Variants in TFRC observed in about 807,000 individuals in gnomAD.
The protein encoded by TFRC is transferrin receptor, also known as transferrin receptor protein 1.
Under a neutral mutation model 85.8 loss-of-function variants are expected in TFRC, and 35 were observed. The ratio of observed to expected loss-of-function variants is 0.41; its 90% CI spans 0.31 to 0.54. The LOEUF (loss-of-function observed/expected upper bound fraction) is 0.54, where lower values mean the gene tolerates loss of function less well. TFRC is among the 20% of genes least tolerant of loss of function. The probability of loss-of-function intolerance (pLI) is 0.31; values close to 1 mark genes in which losing one functional copy is unlikely to be tolerated. For synonymous variants in TFRC, 362 were observed against 328.6 expected (o/e 1.10, Z -1.10); for missense variants, 828 against 921.5 (o/e 0.90, Z 1.31).
In TFRC at chr3:196,064,309, C is replaced by G; in HGVS notation, c.1318G>C (p.Asp440His). 1 of 1,607,080 alleles carries G rather than the reference C, an allele frequency of 6.2e-7. No homozygotes were observed. Among genetic ancestry groups the G allele is most frequent in the Non-Finnish European group, 8.5e-7 (1 of 1,178,076 alleles). Residue 440 changes from aspartate (D) to histidine (H), a missense_variant and splice_region_variant, in exon 11 of 19, where the codon GAT becomes CAT. Asp to His is a moderately conservative substitution (Grantham distance 81, BLOSUM62 -1). Coordinates refer to ENST00000360110, the MANE Select transcript of TFRC (RefSeq NM_001128148.3). ...AAAAGAATCAAAATTTGTACTCTAC[C>G]TTTTAAGACCATATCTGAGAACATC... The part of the protein sequence containing the change: ...AQMFSDMVLK[D>H]GFQPSRSIIF...
At chr3:196,075,059 A>T (rs1359795889) in intron 3 of TFRC, 100 bp downstream of exon 3, 11 of 698,210 alleles carry the variant, frequency 1.6e-5, no homozygotes, top group Admixed American at 6.6e-5. Context: ...AAAAAAAAAA[A>T]AAAAAAATAA....
intron 9 of TFRC, among the ~76,000 whole-genome samples, chr3:196,066,541 T>C (rs1451893578): frequency 6.6e-6 from 1 of 152,198 alleles, no homozygotes; most frequent in Non-Finnish European, 1.5e-5. Context: ...CTTACATAAA[T>C]ATAGGTTGAA....
At chr3:196,058,478 T>G in intron 15 of TFRC, 96 bp downstream of exon 15, 1 of 1,477,676 alleles carries the variant, frequency 6.8e-7, no homozygotes, top group Non-Finnish European at 9.4e-7. Flanking sequence ...TAGGTGTAAG[T>G]AAGTTCAATG....
Position 196,052,159 on chromosome 3 carries a change from T to A in TFRC, c.2066A>T (p.Tyr689Phe). The A allele has an allele frequency of 6.2e-7, 1 of 1,613,936 alleles. No homozygotes were observed. Among genetic ancestry groups the A allele is most frequent in the Non-Finnish European group, 8.5e-7 (1 of 1,179,960 alleles). The change falls in exon 19 of 19, where the codon TAC (tyrosine) becomes TTC (phenylalanine). Residue 689 changes from tyrosine to phenylalanine, a missense_variant. Physicochemically the swap from Tyr to Phe is conservative, Grantham distance 22. Transcript: ENST00000360110. ...MRVEYHFLSP[Y>F]VSPKESPFRH... is the part of the protein sequence containing the mutation. Reference sequence around the variant, plus strand: ...GAAAGGAGACTCTTTTGGAGATACGTAGGGAGAGAGGAAGTGATACTCCAC... The same window carrying A: ...GAAAGGAGACTCTTTTGGAGATACGAAGGGAGAGAGGAAGTGATACTCCAC...
At chr3:196,052,291 A>AAT in intron 18 of TFRC, 107 bp from the exon 19 acceptor site, 41 of 883,272 alleles carry the variant, frequency 4.6e-5, no homozygotes, top group Non-Finnish European at 6.3e-5. Context: ...TGCCGATCAG[A>AAT]CTTTTTTTTT....
intron 4 of TFRC, among the ~76,000 whole-genome samples, chr3:196,073,349 C>T (rs1482472579): frequency 6.6e-6 from 1 of 150,990 alleles, no homozygotes; most frequent in Non-Finnish European, 1.5e-5. Flanking sequence ...GTCCCAGCTA[C>T]TCAGGAGGCT....
intron 6 of TFRC, 151 bp downstream of exon 6, chr3:196,071,245 C>G: frequency 1.6e-6 from 1 of 606,366 alleles, no homozygotes; most frequent in South Asian, 2.0e-5. Flanking sequence ...GAAGACAATG[C>G]ATGTTGACTG....
intron 16 of TFRC, among the ~76,000 whole-genome samples, chr3:196,056,332 G>C (rs973294143): frequency 2.6e-5 from 4 of 152,176 alleles, no homozygotes; most frequent in African/African-American, 9.7e-5. Context: ...CCCAGCCTGA[G>C]GAAAATACTG....
chr3:196,072,806 A>G (rs995587758), intron 4 of TFRC: 1 of 152,154 alleles, frequency 6.6e-6, no homozygotes. Context: ...AAAGATAGTA[A>G]AACTCTATGG....
chr3:196,057,275 GCA>G (rs1716874527), intron 16 of TFRC, among the ~76,000 whole-genome samples: 2 of 152,170 alleles, frequency 1.3e-5, no homozygotes. Context: ...GTATAGAAAA[GCA>G]CTGTGAAAAT....
intron 17 of TFRC, 54 bp from the exon 18 acceptor site, chr3:196,053,612 G>C (rs1196133467): frequency 3.8e-6 from 6 of 1,599,698 alleles, no homozygotes; most frequent in Non-Finnish European, 5.1e-6. Context: ...ACATTCTTTT[G>C]TATGCCTTTC....
At chr3:196,071,310 TA>T in intron 6 of TFRC, 85 bp downstream of exon 6, 1 of 1,300,008 alleles carries the variant, frequency 7.7e-7, no homozygotes, top group Non-Finnish European at 1.1e-6. Context: ...ATTTTACAGG[TA>T]AATTTATAAC....
intron 1 of TFRC, among the ~76,000 whole-genome samples, chr3:196,078,885 C>T (rs996784685): frequency 1.1e-4 from 16 of 151,596 alleles, no homozygotes; most frequent in African/African-American, 3.9e-4. Flanking sequence ...AGCCATTTTC[C>T]CACCTCAGAC....
intron 5 of TFRC, 65 bp downstream of exon 5, chr3:196,071,938 G>C (rs981438671): frequency 1.3e-6 from 2 of 1,545,248 alleles, no homozygotes; most frequent in Non-Finnish European, 1.8e-6. Flanking sequence ...AAAAGTCTTT[G>C]CTATATTTAG....
chr3:196,054,484 A>G (rs1342742699), intron 17 of TFRC, among the ~76,000 whole-genome samples: 1 of 152,180 alleles, frequency 6.6e-6, no homozygotes, highest in African/African-American at 2.4e-5. Flanking sequence ...CAATTAAGAG[A>G]TCTGTTAAAA....
chr3:196,061,274 ACT>A, intron 13 of TFRC, among the ~76,000 whole-genome samples: 1 of 152,248 alleles, frequency 6.6e-6, no homozygotes, highest in South Asian at 2.1e-4. Context: ...GATGTGAATT[ACT>A]CTCTAAGTAC....
At chr3:196,067,043 G>A (rs1243494995) in intron 9 of TFRC, among the ~76,000 whole-genome samples, 1 of 152,148 alleles carries the variant, frequency 6.6e-6, no homozygotes, top group African/African-American at 2.4e-5. Context: ...AACCATAAAT[G>A]GTTTCTCTGG....
In TFRC at chr3:196,064,538, A is replaced by C. The variant is rs909895757; in HGVS notation, c.1199-110T>G. ...AAAGCACAGTATATGTATTAAGGATAAAAGAGCCTTACTTCAAATCTGACT... is the reference window on the plus strand; with the variant it reads ...AAAGCACAGTATATGTATTAAGGATCAAAGAGCCTTACTTCAAATCTGACT... On this transcript the variant is annotated intron_variant, in intron 10 of 18. Coordinates refer to ENST00000360110, the MANE Select transcript of TFRC (RefSeq NM_001128148.3). 4.2e-6 allele frequency: 4 copies of C among 956,954 alleles called. No individual in the cohort carries two copies. The African/African-American group carries it at 6.8e-5, about 16-fold the overall frequency. The allele number at this position is 956,954 out of a possible 1,614,324, so 59.3% of individuals were successfully genotyped here.
At chr3:196,056,743 C>T (rs1162919322) in intron 16 of TFRC, among the ~76,000 whole-genome samples, 3 of 152,180 alleles carry the variant, frequency 2.0e-5, no homozygotes, top group Non-Finnish European at 4.4e-5. Flanking sequence ...TAGCAATAAA[C>T]TCAAATGCTA....
Sources: gnomAD v4.1 joint callset for allele counts (sites outside exome capture counted in the v4.1 genomes callset) on GRCh38, gnomAD v4.1.1 for gene constraint, MANE v1.5 for transcripts, NCBI Gene and HGNC (gene_info 2026-07-23, HGNC 2026-07-21) for gene names.